TRPM3: variants seen among roughly 807,000 people sequenced by gnomAD.
TRPM3 encodes transient receptor potential cation channel subfamily M member 3, also known as long transient receptor potential channel 3.
Under a neutral mutation model 181.2 loss-of-function variants are expected in TRPM3, and 77 were observed. That is an observed-to-expected ratio of 0.42 (90% CI 0.35 to 0.51). TRPM3 has a LOEUF of 0.51. Among genes scored for constraint, TRPM3 ranks in the 20% least tolerant of loss-of-function variants. The pLI, the probability that TRPM3 is intolerant of heterozygous loss-of-function variation, is 0.01. For missense variants in TRPM3, 1,759 were observed against 2,196.7 expected, an observed-to-expected ratio of 0.80 and a Z score of 3.98; for synonymous variants, 745 against 796.4, an observed-to-expected ratio of 0.94 and a Z score of 1.09.
intron 9 of TRPM3, among the ~76,000 whole-genome samples, chr9:70,663,470 C>G (rs138371382): frequency 0.01 from 1,528 of 152,300 alleles, 22 homozygotes; most frequent in African/African-American, 0.035. Context: ...CATACCCTCA[C>G]TATAGTGGTT....
intron 1 of TRPM3, among the ~76,000 whole-genome samples, chr9:71,140,724 A>C (rs1184333547): frequency 6.6e-6 from 1 of 152,204 alleles, no homozygotes; most frequent in Non-Finnish European, 1.5e-5. Flanking sequence ...ATAAGTAGCA[A>C]GGGTAAAGAT....
At chr9:70,539,697 G>T (rs1457410502) in intron 25 of TRPM3, among the ~76,000 whole-genome samples, 2 of 152,046 alleles carry the variant, frequency 1.3e-5, no homozygotes, top group African/African-American at 2.4e-5. Context: ...TATAAACATA[G>T]CCCAAGAAAC....
At chr9:70,835,010 C>T (rs2094210243) in intron 5 of TRPM3, among the ~76,000 whole-genome samples, 1 of 152,100 alleles carries the variant, frequency 6.6e-6, no homozygotes, top group Non-Finnish European at 1.5e-5. Context: ...TGGTGCCCTC[C>T]CCACGGTAAT....
intron 1 of TRPM3, among the ~76,000 whole-genome samples, chr9:70,904,755 G>A (rs1333096134): frequency 6.6e-6 from 1 of 152,174 alleles, no homozygotes; most frequent in East Asian, 1.9e-4. Context: ...GTAGAGACAG[G>A]TCAACAAGAT....
intron 1 of TRPM3, among the ~76,000 whole-genome samples, chr9:71,291,588 T>C (rs141074824): frequency 1.8e-3 from 272 of 152,214 alleles, no homozygotes; most frequent in Non-Finnish European, 3.0e-3. Context: ...GGCAAAAATA[T>C]TAGCAGAGGT....
intron 1 of TRPM3, among the ~76,000 whole-genome samples, chr9:71,389,002 A>T (rs1261546095): frequency 1.3e-5 from 2 of 152,090 alleles, no homozygotes; most frequent in Non-Finnish European, 2.9e-5. Context: ...GTTACATGAT[A>T]AAAAGAAGAG....
intron 9 of TRPM3, among the ~76,000 whole-genome samples, chr9:70,663,206 C>A (rs528869823): frequency 1.3e-5 from 2 of 151,950 alleles, no homozygotes; most frequent in Non-Finnish European, 2.9e-5. Context: ...TGAAGGCATA[C>A]GAATGATATA....
At chr9:70,932,741 G>A (rs1309217604) in intron 1 of TRPM3, among the ~76,000 whole-genome samples, 1 of 152,146 alleles carries the variant, frequency 6.6e-6, no homozygotes, top group Non-Finnish European at 1.5e-5. Flanking sequence ...CAGAAATGCA[G>A]ACCCATATTA....
At chr9:71,295,473 T>C (rs1187001928) in intron 1 of TRPM3, among the ~76,000 whole-genome samples, 4 of 150,664 alleles carry the variant, frequency 2.7e-5, no homozygotes, top group African/African-American at 7.3e-5. Flanking sequence ...TGGCTTCCTT[T>C]TTTTTTTTTT....
At chr9:71,439,706 G>A (rs2094106767) in intron 1 of TRPM3, among the ~76,000 whole-genome samples, 2 of 152,168 alleles carry the variant, frequency 1.3e-5, no homozygotes, top group South Asian at 4.1e-4. Context: ...AAAAAAATAT[G>A]AAGAAAAGAT....
chr9:71,050,292 A>G (rs1160818280), intron 1 of TRPM3, among the ~76,000 whole-genome samples: 1 of 152,222 alleles, frequency 6.6e-6, no homozygotes. Context: ...CCAATTATTT[A>G]TTGAGAGATT....
chr9:71,183,794 A>C (rs2077529750), intron 1 of TRPM3, among the ~76,000 whole-genome samples: 1 of 152,246 alleles, frequency 6.6e-6, no homozygotes, highest in Non-Finnish European at 1.5e-5. Flanking sequence ...TAACAGGTAC[A>C]TCTATGACAG....
At chr9:71,007,289 G>GC (rs1256812008) in intron 1 of TRPM3, among the ~76,000 whole-genome samples, 17 of 151,696 alleles carry the variant, frequency 1.1e-4, no homozygotes, top group Non-Finnish European at 1.9e-4. Flanking sequence ...CCTACTTTCA[G>GC]CAATGAACAG....
chr9:70,636,403 A>C (rs1377289371), intron 11 of TRPM3, among the ~76,000 whole-genome samples: 2 of 152,214 alleles, frequency 1.3e-5, no homozygotes, highest in African/African-American at 4.8e-5. Context: ...GTTTGGGAAA[A>C]AGAGAGTTTT....
intron 25 of TRPM3, among the ~76,000 whole-genome samples, chr9:70,538,231 A>G (rs1564207614): frequency 6.6e-6 from 1 of 152,282 alleles, no homozygotes; most frequent in East Asian, 1.9e-4. Context: ...GATGCCTTAT[A>G]TTACAGTTAT....
At chr9:71,063,662 ACAAAGATGG>A (rs1411551220) in intron 1 of TRPM3, among the ~76,000 whole-genome samples, 1 of 152,094 alleles carries the variant, frequency 6.6e-6, no homozygotes, top group Non-Finnish European at 1.5e-5. Context: ...CATTCAGTAG[ACAAAGATGG>A]CTGAGGGGGC....
chr9:71,087,835 A>G lies in TRPM3; in HGVS notation c.177+33343T>C, dbSNP rs74920851. 4.2e-4 allele frequency among the ~76,000 whole-genome samples: 64 copies of G among 152,244 alleles called. 5 individuals carry two copies. The East Asian group carries it at 0.012, about 28-fold the overall frequency. On this transcript the variant is annotated intron_variant, in intron 1 of 25. Transcript: ENST00000677713. ...GACTTCAGCAAGAATACATGGTATA[A>G]TTGTACTTTGAAAATTATAATCTGC...
chr9:70,910,930 A>T (rs2096531349), intron 1 of TRPM3, among the ~76,000 whole-genome samples: 1 of 152,176 alleles, frequency 6.6e-6, no homozygotes, highest in Non-Finnish European at 1.5e-5. Context: ...ACCTTCCTTG[A>T]AGTTCACATA....
intron 1 of TRPM3, among the ~76,000 whole-genome samples, chr9:71,254,799 A>G (rs1000772059): frequency 1.3e-5 from 2 of 152,172 alleles, no homozygotes; most frequent in Non-Finnish European, 1.5e-5. Context: ...TGCAATCTCT[A>G]AAGTACAGAG....
Sources: allele counts gnomAD v4.1 joint callset (sites outside exome capture counted in the v4.1 genomes callset), GRCh38; gene constraint gnomAD v4.1.1; transcripts MANE v1.5; gene names NCBI Gene and HGNC (gene_info 2026-07-23, HGNC 2026-07-21).